DNA2: variants seen among roughly 807,000 people sequenced by gnomAD.
The protein encoded by DNA2 is DNA replication ATP-dependent helicase/nuclease DNA2.
In DNA2, 101 loss-of-function variants were observed where a neutral mutation model predicts 119.1. That is an observed-to-expected ratio of 0.85 (90% CI 0.72 to 1.00). The LOEUF (loss-of-function observed/expected upper bound fraction) is 1.00, where lower values mean the gene tolerates loss of function less well. Among genes scored for constraint, DNA2 ranks in the 50% least tolerant of loss-of-function variants. The probability of loss-of-function intolerance (pLI) is 0.00; values close to 1 mark genes in which losing one functional copy is unlikely to be tolerated. For synonymous variants in DNA2, 366 were observed against 424.4 expected (o/e 0.86, Z 1.69); for missense variants, 1,121 against 1,255.5 (o/e 0.89, Z 1.62).
rs919463440 is a variant in DNA2, at chr10:68,459,074, CTA to C, written c.719+28_719+29del. Reference sequence around the variant, plus strand: ...GCATCCTGGTCTAAAAATATGAAGACTATATATATAAACAAAATGTGTTTCTT... The same window carrying C: ...GCATCCTGGTCTAAAAATATGAAGACTATATATAAACAAAATGTGTTTCTT... On this transcript the variant is annotated intron_variant, in intron 5 of 20. Coordinates refer to ENST00000358410, the MANE Select transcript of DNA2 (RefSeq NM_001080449.3). 2.6e-6 allele frequency: 4 copies of C among 1,552,722 alleles called. No individual in the cohort carries two copies. The African/African-American group carries it at 4.1e-5, about 16-fold the overall frequency.
At chr10:68,447,319 A>G (rs1006803704) in intron 6 of DNA2, among the ~76,000 whole-genome samples, 2 of 151,952 alleles carry the variant, frequency 1.3e-5, no homozygotes, top group Admixed American at 1.3e-4. Context: ...GGAGTTCGAG[A>G]CCAGCCTGGC....
intron 14 of DNA2, among the ~76,000 whole-genome samples, chr10:68,429,881 G>A (rs929085523): frequency 3.6e-5 from 5 of 138,842 alleles, no homozygotes; most frequent in African/African-American, 1.4e-4. Context: ...AAAAAACCCG[G>A]ATTTTTTTTT....
chr10:68,422,665 A>C (rs776262985), intron 15 of DNA2, 32 bp downstream of exon 15: 1 of 1,613,394 alleles, frequency 6.2e-7, no homozygotes, highest in Non-Finnish European at 8.5e-7. Flanking sequence ...AAAATAATCT[A>C]GTTTAAAATT....
chr10:68,456,426 G>GT (rs1431073513), intron 5 of DNA2, among the ~76,000 whole-genome samples: 1 of 152,016 alleles, frequency 6.6e-6, no homozygotes, highest in Non-Finnish European at 1.5e-5. Flanking sequence ...AAGCATTTTT[G>GT]TTTTTTGAGG....
intron 14 of DNA2, chr10:68,424,737 G>T: frequency 5.8e-6 from 9 of 1,561,800 alleles, no homozygotes; most frequent in Admixed American, 1.7e-5. Flanking sequence ...GGTAGTTCAA[G>T]GACACTACAA....
chr10:68,466,740 G>A (rs1333643950), intron 3 of DNA2, among the ~76,000 whole-genome samples: 3 of 151,830 alleles, frequency 2.0e-5, no homozygotes, highest in Non-Finnish European at 2.9e-5. Flanking sequence ...CACCACACCC[G>A]GCTAATTTTT....
At chr10:68,436,893 T>G in intron 10 of DNA2, 118 bp downstream of exon 10, 1 of 766,978 alleles carries the variant, frequency 1.3e-6, no homozygotes, top group East Asian at 2.6e-5. Context: ...TGGTGATAGC[T>G]GCACAACGCT....
chr10:68,423,774 C>A (rs180799113), intron 14 of DNA2, among the ~76,000 whole-genome samples: 6 of 152,296 alleles, frequency 3.9e-5, no homozygotes, highest in Non-Finnish European at 2.9e-5. Context: ...TAGACTTCCA[C>A]CCCAACCAAG....
At chr10:68,463,211 G>A (rs1206318666) in intron 4 of DNA2, among the ~76,000 whole-genome samples, 11 of 151,896 alleles carry the variant, frequency 7.2e-5, no homozygotes, top group African/African-American at 1.9e-4. Flanking sequence ...TTGGGAGGCC[G>A]AAGCGGGTGG....
At chr10:68,448,968 CGTGTGTGTGT>C (rs59756256) in intron 6 of DNA2, among the ~76,000 whole-genome samples, 130 of 109,656 alleles carry the variant, frequency 1.2e-3, no homozygotes, top group Middle Eastern at 4.5e-3. Flanking sequence ...TGTGTGTGTG[CGTGTGTGTGT>C]GTGTGTGTAG....
At chr10:68,444,463 G>A (rs898969954) in intron 8 of DNA2, among the ~76,000 whole-genome samples, 4 of 151,854 alleles carry the variant, frequency 2.6e-5, no homozygotes, top group South Asian at 2.1e-4. Context: ...GGTGGCTCAC[G>A]CCTGTAATCC....
chr10:68,414,998 G>A lies in DNA2; in HGVS notation c.*41C>T, dbSNP rs1302069040. On this transcript the variant is annotated 3_prime_UTR_variant, in exon 21 of 21. Coordinates refer to ENST00000358410, the MANE Select transcript of DNA2 (RefSeq NM_001080449.3). ...TTTTCTGTATGGGCACTAGCTAGAG[G>A]AGATACTGCCCTAGTATGAAAAGGC... 3.1e-6 allele frequency: 4 copies of A among 1,280,776 alleles called. No homozygotes were observed. Among genetic ancestry groups the A allele is most frequent in the African/African-American group, 1.5e-5 (1 of 67,824 alleles). The allele number at this position is 1,280,776 out of a possible 1,614,324, so 79.3% of individuals were successfully genotyped here.
chr10:68,446,266 G>T, intron 7 of DNA2, 30 bp downstream of exon 7: 1 of 1,256,608 alleles, frequency 8.0e-7, no homozygotes. Flanking sequence ...GGTGGGCAAA[G>T]AAGTAAAACT....
At chr10:68,418,669 ATTT>A (rs34507769) in intron 19 of DNA2, among the ~76,000 whole-genome samples, 5,948 of 113,604 alleles carry the variant, frequency 0.052, 196 homozygotes, top group South Asian at 0.17. Flanking sequence ...TTAAACCGCA[ATTT>A]TTTTTTTTTT....
chr10:68,471,526 A>T (rs1446926195), intron 1 of DNA2, among the ~76,000 whole-genome samples: 1 of 152,130 alleles, frequency 6.6e-6, no homozygotes, highest in Non-Finnish European at 1.5e-5. Flanking sequence ...AGTGGCCGAA[A>T]CTCCTCAACT....
intron 14 of DNA2, among the ~76,000 whole-genome samples, chr10:68,429,077 C>T (rs965588823): frequency 6.6e-6 from 1 of 151,958 alleles, no homozygotes. Flanking sequence ...CTAAATTTAT[C>T]AATAACAGGG....
At chr10:68,421,816 C>T (rs1435207546) in intron 17 of DNA2, among the ~76,000 whole-genome samples, 3 of 136,930 alleles carry the variant, frequency 2.2e-5, no homozygotes, top group South Asian at 4.6e-4. Context: ...TTAGTTTTGC[C>T]TTTTTTTTTC....
At chr10:68,425,605 G>A (rs1214161796) in intron 14 of DNA2, among the ~76,000 whole-genome samples, 2 of 151,588 alleles carry the variant, frequency 1.3e-5, no homozygotes, top group East Asian at 3.9e-4. Context: ...GTTTCACCGT[G>A]TTAGCCAGGA....
intron 10 of DNA2, among the ~76,000 whole-genome samples, chr10:68,434,965 G>A (rs1473160121): frequency 6.6e-6 from 1 of 152,170 alleles, no homozygotes; most frequent in Non-Finnish European, 1.5e-5. Flanking sequence ...TTAACTGTAA[G>A]AAATGCTGGA....
Sources: gnomAD v4.1 joint callset for allele counts (sites outside exome capture counted in the v4.1 genomes callset) on GRCh38, gnomAD v4.1.1 for gene constraint, MANE v1.5 for transcripts, NCBI Gene and HGNC (gene_info 2026-07-23, HGNC 2026-07-21) for gene names.